The following DYM variants were observed in gnomAD, a reference collection of about 807,000 sequenced individuals.
DYM encodes dymeclin, also known as dyggve-Melchior-Clausen syndrome protein.
DYM carries 78 observed loss-of-function variants against 93.1 expected under a neutral mutation model. That is an observed-to-expected ratio of 0.84 (90% CI 0.70 to 1.01). The LOEUF (loss-of-function observed/expected upper bound fraction) is 1.01. DYM is among the 50% of genes least tolerant of loss of function. The pLI, the probability that DYM is intolerant of heterozygous loss-of-function variation, is 0.00. For missense variants in DYM, 789 were observed against 845.0 expected, an observed-to-expected ratio of 0.93 and a Z score of 0.82; for synonymous variants, 321 against 319.7, an observed-to-expected ratio of 1.00 and a Z score of -0.04.
intron 14 of DYM, among the ~76,000 whole-genome samples, chr18:49,183,701 T>C (rs1184787288): frequency 6.6e-6 from 1 of 152,184 alleles, no homozygotes; most frequent in Non-Finnish European, 1.5e-5. Context: ...TTAATTGAAC[T>C]GAACTCAGAA....
intron 14 of DYM, among the ~76,000 whole-genome samples, chr18:49,207,517 G>A (rs2092575707): frequency 6.6e-6 from 1 of 152,174 alleles, no homozygotes; most frequent in Non-Finnish European, 1.5e-5. Flanking sequence ...TTGCAGATGT[G>A]ATTAACATTT....
At chr18:49,060,099 A>G (rs2075827728) in intron 17 of DYM, among the ~76,000 whole-genome samples, 1 of 152,208 alleles carries the variant, frequency 6.6e-6, no homozygotes, top group African/African-American at 2.4e-5. Context: ...ATGAAAAAAA[A>G]TCACTAAAAA....
At chr18:49,242,859 C>G (rs904188345) in intron 13 of DYM, among the ~76,000 whole-genome samples, 4 of 152,080 alleles carry the variant, frequency 2.6e-5, no homozygotes, top group African/African-American at 9.7e-5. Context: ...GCCACCACGC[C>G]CGGCTAATTT....
intron 8 of DYM, among the ~76,000 whole-genome samples, chr18:49,289,751 ATATAT>A (rs1568180975): frequency 2.3e-5 from 1 of 43,320 alleles, no homozygotes; most frequent in African/African-American, 9.1e-5. Context: ...ATATATATAT[ATATAT>A]ATATATATAT....
intron 5 of DYM, among the ~76,000 whole-genome samples, chr18:49,369,911 G>A (rs963428343): frequency 6.6e-6 from 1 of 152,202 alleles, no homozygotes; most frequent in Non-Finnish European, 1.5e-5. Flanking sequence ...GGTCTGGGCA[G>A]CTGATCTGCT....
intron 17 of DYM, among the ~76,000 whole-genome samples, chr18:49,089,817 C>G (rs1203525896): frequency 1.3e-5 from 2 of 152,104 alleles, no homozygotes; most frequent in Non-Finnish European, 2.9e-5. Context: ...CTTAGATAAC[C>G]CCAATACAGA....
chr18:49,075,407 A>T (rs142686826), intron 17 of DYM, among the ~76,000 whole-genome samples: 2 of 151,840 alleles, frequency 1.3e-5, no homozygotes, highest in African/African-American at 4.8e-5. Flanking sequence ...CCATCCCATT[A>T]CTCCTTATCC....
chr18:49,111,386 G>A (rs1227897714), intron 16 of DYM, among the ~76,000 whole-genome samples: 1 of 152,034 alleles, frequency 6.6e-6, no homozygotes, highest in Non-Finnish European at 1.5e-5. Flanking sequence ...ACTGAGTCTG[G>A]GTCTGTTGCC....
chr18:49,317,094 T>C (rs1329607658), intron 8 of DYM, among the ~76,000 whole-genome samples: 1 of 152,222 alleles, frequency 6.6e-6, no homozygotes, highest in Non-Finnish European at 1.5e-5. Context: ...GCTTGTCAAC[T>C]GTCACAAATG....
At position 49,422,905 on chromosome 18, in the gene DYM, T is replaced by C. The variant is rs915041953; in HGVS notation, c.140+7350A>G. Among the ~76,000 whole-genome samples the C allele has an allele frequency of 8.5e-5, 13 of 152,076 alleles. No individual in the cohort carries two copies. In the South Asian group the frequency reaches 1.0e-3, roughly 12 times the overall value. On this transcript the variant is annotated intron_variant, in intron 2 of 17. Transcript: ENST00000675505. Reference sequence around the variant, plus strand: ...CACCCAGATTCATAAAGCAAGTCCTTAGAGACCTACAAAGAGACTTAGACT... The same window carrying C: ...CACCCAGATTCATAAAGCAAGTCCTCAGAGACCTACAAAGAGACTTAGACT...
chr18:49,212,166 A>C (rs982540059), intron 13 of DYM, among the ~76,000 whole-genome samples: 3 of 151,722 alleles, frequency 2.0e-5, no homozygotes, highest in African/African-American at 4.8e-5. Context: ...AAGACAAAGA[A>C]AGACTGAGGG....
chr18:49,279,159 G>T (rs551834268), intron 10 of DYM, among the ~76,000 whole-genome samples: 1 of 152,258 alleles, frequency 6.6e-6, no homozygotes, highest in East Asian at 1.9e-4. Context: ...AGTTATACCA[G>T]ATTAATTAAC....
intron 6 of DYM, 140 bp from the exon 7 acceptor site, chr18:49,333,993 AC>A (rs1428161081): frequency 1.1e-5 from 10 of 929,510 alleles, no homozygotes; most frequent in Non-Finnish European, 1.6e-5. Flanking sequence ...TACGTTTAAT[AC>A]AAAAATTAAG....
At chr18:49,429,146 GTCC>G (rs1310639449) in intron 2 of DYM, among the ~76,000 whole-genome samples, 1 of 152,206 alleles carries the variant, frequency 6.6e-6, no homozygotes, top group Non-Finnish European at 1.5e-5. Context: ...GGCAGGCTGA[GTCC>G]TCCTCACATC....
At chr18:49,371,113 T>G (rs1208854079) in intron 5 of DYM, among the ~76,000 whole-genome samples, 1 of 152,148 alleles carries the variant, frequency 6.6e-6, no homozygotes, top group Non-Finnish European at 1.5e-5. Context: ...AAGTCAAGAA[T>G]TGCTGCAGGA....
chr18:49,079,982 C>T (rs375857742), intron 17 of DYM, among the ~76,000 whole-genome samples: 20,518 of 145,174 alleles, frequency 0.14, 1,451 homozygotes, highest in East Asian at 0.27. Context: ...TAGGGGCGGC[C>T]GGGCAGAGGC....
At position 49,209,587 on chromosome 18, in the gene DYM, AAAGAC is replaced by A; in HGVS notation, c.1584_1588del (p.Leu528PhefsTer20). On this transcript the variant is annotated frameshift_variant, in exon 14 of 18. Coordinates refer to ENST00000675505, the MANE Select transcript of DYM (RefSeq NM_001353214.3). LOFTEE classifies it high-confidence loss of function. ...GGATCTGAGAATGTGAGAGCAAGTTAAAGACAAGAGTTCCTCTCCATTGTCACTGA... is the reference window on the plus strand; with the variant it reads ...GGATCTGAGAATGTGAGAGCAAGTTAAAGAGTTCCTCTCCATTGTCACTGA... The A allele has an allele frequency of 7.8e-7, 1 of 1,289,798 alleles. No individual in the cohort carries two copies. Among genetic ancestry groups the A allele is most frequent in the South Asian group, 1.2e-5 (1 of 81,010 alleles). The allele number at this position is 1,289,798 out of a possible 1,614,324, so 79.9% of individuals were successfully genotyped here. A position where few individuals can be genotyped will look rare whatever the true frequency, so the allele number is the denominator to read the frequency against.
chr18:49,110,194 A>G (rs1024866528), intron 16 of DYM, among the ~76,000 whole-genome samples: 1 of 152,256 alleles, frequency 6.6e-6, no homozygotes, highest in Non-Finnish European at 1.5e-5. Context: ...TAAAATATTT[A>G]CAATCTGCTC....
chr18:49,148,782 A>G (rs1454087169), intron 15 of DYM, among the ~76,000 whole-genome samples: 1 of 152,170 alleles, frequency 6.6e-6, no homozygotes, highest in East Asian at 1.9e-4. Flanking sequence ...TTACCTTGTT[A>G]GGGGTCTGTG....
Sources: gnomAD v4.1 joint callset for allele counts (sites outside exome capture counted in the v4.1 genomes callset) on GRCh38, gnomAD v4.1.1 for gene constraint, MANE v1.5 for transcripts, NCBI Gene and HGNC (gene_info 2026-07-23, HGNC 2026-07-21) for gene names.